The following SVEP1 variants were observed in gnomAD, a reference collection of about 807,000 sequenced individuals.
SVEP1 encodes sushi, von Willebrand factor type A, EGF and pentraxin domain containing 1, also known as sushi, von Willebrand factor type A, EGF and pentraxin domain-containing protein 1.
SVEP1 carries 164 observed loss-of-function variants against 367.3 expected under a neutral mutation model. That is an observed-to-expected ratio of 0.45 (90% CI 0.39 to 0.51). The LOEUF (loss-of-function observed/expected upper bound fraction) is 0.51. Ranked by LOEUF, SVEP1 falls within the 20% of genes least tolerant of loss-of-function variation. The pLI is 0.00. For missense variants in SVEP1, 4,117 were observed against 4,425.3 expected, an observed-to-expected ratio of 0.93 and a Z score of 1.98; for synonymous variants, 1,666 against 1,611.6, an observed-to-expected ratio of 1.03 and a Z score of -0.81.
intron 5 of SVEP1, among the ~76,000 whole-genome samples, chr9:110,511,913 C>A (rs1280102837): frequency 6.6e-6 from 1 of 152,018 alleles, no homozygotes; most frequent in Non-Finnish European, 1.5e-5. Flanking sequence ...GTAGTCAAAT[C>A]CTCAGCAAAG....
rs143867773 is a variant in SVEP1, at chr9:110,483,484, C to G, written c.2038+102G>C. The G allele has an allele frequency of 7.6e-4, 465 of 610,538 alleles. No homozygotes were observed. The African/African-American group carries it at 8.1e-3, about 11-fold the overall frequency. 37.8% of individuals were successfully genotyped at this position (610,538 alleles called of 1,614,324 possible). On this transcript the variant is annotated intron_variant, in intron 10 of 47. Transcript: ENST00000374469. ...TATATAATTATTCATTCTCCCTAGA[C>G]AGTTGTTATTTGCTTTTTCTCTTTT... is the stretch of plus-strand genomic sequence containing the variant.
intron 3 of SVEP1, among the ~76,000 whole-genome samples, chr9:110,516,983 G>T (rs555828539): frequency 6.6e-6 from 1 of 152,024 alleles, no homozygotes; most frequent in Admixed American, 6.6e-5. Flanking sequence ...CTCATAAAGG[G>T]GAAAATCAGA....
chr9:110,577,927 C>T (rs555142372), intron 1 of SVEP1, among the ~76,000 whole-genome samples: 3 of 152,040 alleles, frequency 2.0e-5, no homozygotes, highest in Non-Finnish European at 4.4e-5. Flanking sequence ...CTTAAATTGA[C>T]AAAGATATTA....
At position 110,406,300 on chromosome 9, in the gene SVEP1, T is replaced by C; in HGVS notation, c.9300A>G (p.Ser3100=). The C allele has an allele frequency of 1.2e-6, 2 of 1,614,070 alleles. No individual in the cohort carries two copies. Among genetic ancestry groups the C allele is most frequent in the Non-Finnish European group, 1.7e-6 (2 of 1,179,902 alleles). Residue 3100 remains serine, a synonymous_variant, in exon 38 of 48, where the codon TCA becomes TCG. Transcript: ENST00000374469. ...CRSGYVIQGS[S]DLICTEKGVW... ...CCCCTTTCTCTGTACAAATCAGATC[T>C]GAACTGCCTTGTATGACATATCCAG...
Position 110,467,982 on chromosome 9 carries a change from C to T in SVEP1, c.3160+958G>A, listed in dbSNP as rs555565963. Among the ~76,000 whole-genome samples the T allele has an allele frequency of 6.4e-5, 8 of 125,368 alleles. No homozygotes were observed. The South Asian group carries it at 2.5e-3, about 39-fold the overall frequency. 82.2% of individuals were successfully genotyped at this position (125,368 alleles called of 152,430 possible). A position where few individuals can be genotyped will look rare whatever the true frequency, so the allele number is the denominator to read the frequency against. On this transcript the variant is annotated intron_variant, in intron 17 of 47. Transcript: ENST00000374469. The stretch of plus-strand genomic sequence containing the variant: ...CCTTGCTCCTACTTTCTCCACGTGA[C>T]ATGCCTGCTCCTTATTTGCCTTCTG...
In SVEP1 at chr9:110,546,711, G is replaced by T. The variant is rs141812953; in HGVS notation, c.788-420C>A. ...GATCCTTGTTCCAATGAGAAACAAA[G>T]CCACCATCCTGATCACTGCACAGAG... On this transcript the variant is annotated intron_variant, in intron 2 of 47. Transcript: ENST00000374469. 2.3e-4 allele frequency among the ~76,000 whole-genome samples: 35 copies of T among 152,274 alleles called. No homozygotes were observed. The East Asian group carries it at 6.6e-3, about 29-fold the overall frequency.
Position 110,411,291 on chromosome 9 carries a change from C to T in SVEP1, c.6420G>A (p.Gln2140=), listed in dbSNP as rs370616901. ...GQWNPSPMSI[Q]CIPVRCGEPP... The stretch of plus-strand genomic sequence containing the variant: ...GCTCTCCACACCGCACAGGGATGCA[C>T]TGGATGGACATGGGGGAAGGGTTCC... Residue 2140 remains glutamine, a synonymous_variant, in exon 37 of 48, where the codon CAG becomes CAA. Coordinates refer to ENST00000374469, the MANE Select transcript of SVEP1 (RefSeq NM_153366.4). 50 of 1,614,018 alleles carry T rather than the reference C, an allele frequency of 3.1e-5. No individual in the cohort carries two copies. The African/African-American group carries it at 4.1e-4, about 13-fold the overall frequency.
intron 3 of SVEP1, among the ~76,000 whole-genome samples, chr9:110,528,176 A>ATATATATATG (rs1382407637): frequency 2.2e-5 from 3 of 134,908 alleles, no homozygotes; most frequent in Non-Finnish European, 4.7e-5. Flanking sequence ...ATATATATAT[A>ATATATATATG]TATATATATA....
intron 13 of SVEP1, among the ~76,000 whole-genome samples, chr9:110,477,293 C>T (rs2118686977): frequency 6.6e-6 from 1 of 152,212 alleles, no homozygotes; most frequent in Non-Finnish European, 1.5e-5. Context: ...CCTTGTTTAC[C>T]CATCTAAGAT....
At chr9:110,390,503 G>C (rs1827639029) in intron 40 of SVEP1, among the ~76,000 whole-genome samples, 1 of 150,416 alleles carries the variant, frequency 6.6e-6, no homozygotes. Context: ...ATTATGATTT[G>C]ACAATCAGAA....
chr9:110,432,245 G>T (rs1417998908), intron 31 of SVEP1, among the ~76,000 whole-genome samples: 1 of 151,992 alleles, frequency 6.6e-6, no homozygotes, highest in African/African-American at 2.4e-5. Flanking sequence ...TATAAGACAG[G>T]GATATATAAA....
At chr9:110,458,698 A>G (rs529369921) in intron 19 of SVEP1, 136 bp from the exon 20 acceptor site, 2 of 963,614 alleles carry the variant, frequency 2.1e-6, no homozygotes, top group East Asian at 5.3e-5. Context: ...ATTTTAAAAA[A>G]GAAAACAGAG....
At chr9:110,376,658 T>C (rs760047970) in intron 45 of SVEP1, among the ~76,000 whole-genome samples, 1 of 152,216 alleles carries the variant, frequency 6.6e-6, no homozygotes, top group Non-Finnish European at 1.5e-5. Context: ...TATGAAACCA[T>C]TTTATCCTTA....
chr9:110,451,448 C>CT lies in SVEP1; in HGVS notation c.3788-47dup, dbSNP rs769361248. On this transcript the variant is annotated intron_variant, in intron 22 of 47. Transcript: ENST00000374469. ...TTGAGCTGGAGAAAACTTGACAGAACTTTAAGACCAATAGTTTCCAAGCAA... is the reference window on the plus strand; with the variant it reads ...TTGAGCTGGAGAAAACTTGACAGAACTTTTAAGACCAATAGTTTCCAAGCAA... 2.9e-6 allele frequency: 4 copies of CT among 1,402,654 alleles called. No individual in the cohort carries two copies. The Admixed American group carries it at 7.3e-5, about 26-fold the overall frequency. The allele number at this position is 1,402,654 out of a possible 1,614,324, so 86.9% of individuals were successfully genotyped here. A position where few individuals can be genotyped will look rare whatever the true frequency, so the allele number is the denominator to read the frequency against.
intron 9 of SVEP1, among the ~76,000 whole-genome samples, chr9:110,484,132 T>A (rs1714488030): frequency 6.6e-6 from 1 of 152,170 alleles, no homozygotes; most frequent in Admixed American, 6.6e-5. Flanking sequence ...AATAGATGGC[T>A]AAATAGAAGG....
intron 3 of SVEP1, among the ~76,000 whole-genome samples, chr9:110,532,282 G>T (rs1931314): frequency 1.3e-5 from 2 of 151,968 alleles, no homozygotes; most frequent in Non-Finnish European, 2.9e-5. Context: ...ATACCATATG[G>T]TAAGTGTGAA....
chr9:110,550,085 C>T lies in SVEP1; in HGVS notation c.551G>A (p.Arg184Lys). Residue 184 changes from arginine to lysine, a missense_variant, in exon 2 of 48, where the codon AGA becomes AAA. Around this residue, in one of 4 missense-constraint regions of SVEP1, gnomAD observed 2,174 missense variants for 2,494.3 expected, o/e 0.87. Transcript: ENST00000374469. ...AAATACAACTTTTGTTGAGTTTTCT[C>T]TAGCATGAAGAAGAATTTGCTGTAA... Reference protein sequence around the residue: ...QQAAQILLHARENSTKVVFLI... With the variant: ...QQAAQILLHAKENSTKVVFLI... 1.2e-6 allele frequency: 2 copies of T among 1,613,928 alleles called. No homozygotes were observed. Among genetic ancestry groups the T allele is most frequent in the Non-Finnish European group, 8.5e-7 (1 of 1,179,794 alleles).
chr9:110,473,112 T>C (rs750722004), intron 14 of SVEP1, among the ~76,000 whole-genome samples: 8 of 146,924 alleles, frequency 5.4e-5, no homozygotes, highest in Non-Finnish European at 1.1e-4. Flanking sequence ...TATATGAATA[T>C]TATTCTGGCC....
chr9:110,390,063 A>ACAC (rs1491393302), intron 40 of SVEP1, among the ~76,000 whole-genome samples: 3,087 of 123,370 alleles, frequency 0.025, 72 homozygotes, highest in African/African-American at 0.046. Context: ...GTATATATAT[A>ACAC]AGTATATATA....
Sources: allele counts gnomAD v4.1 joint callset (sites outside exome capture counted in the v4.1 genomes callset), GRCh38; gene constraint gnomAD v4.1.1; regional missense constraint gnomAD v4.1.1; transcripts MANE v1.5; gene names NCBI Gene and HGNC (gene_info 2026-07-23, HGNC 2026-07-21).